Variants in GRID2 observed in about 807,000 individuals in gnomAD.
The protein encoded by GRID2 is glutamate receptor ionotropic, delta-2.
GRID2 carries 33 observed loss-of-function variants against 114.8 expected under a neutral mutation model. That is an observed-to-expected ratio of 0.29 (90% CI 0.22 to 0.38). The LOEUF (loss-of-function observed/expected upper bound fraction) is 0.38, where lower values mean the gene tolerates loss of function less well. Among genes scored for constraint, GRID2 ranks in the 10% least tolerant of loss-of-function variants. GRID2 has a pLI of 1.00. For missense variants in GRID2, 1,184 were observed against 1,257.7 expected (o/e 0.94, Z 0.89); for synonymous variants, 505 against 449.9 (o/e 1.12, Z -1.55).
chr4:92,652,722 G>A (rs1006970843), intron 2 of GRID2, among the ~76,000 whole-genome samples: 1 of 142,932 alleles, frequency 7.0e-6, no homozygotes, highest in Non-Finnish European at 1.5e-5. Context: ...TGTAATCCCA[G>A]CACTTTGGGA....
At chr4:92,808,350 TA>T (rs1477435934) in intron 2 of GRID2, among the ~76,000 whole-genome samples, 1 of 152,012 alleles carries the variant, frequency 6.6e-6, no homozygotes, top group East Asian at 1.9e-4. Context: ...AGGAAAGTAG[TA>T]AAAAAGTCAA....
downstream of GRID2, among the ~76,000 whole-genome samples, chr4:93,775,781 A>T (rs1330214410): frequency 6.6e-6 from 1 of 152,208 alleles, no homozygotes; most frequent in Admixed American, 6.5e-5. Flanking sequence ...ATACATACTT[A>T]AAGTTGTAAG....
intron 1 of GRID2, among the ~76,000 whole-genome samples, chr4:92,585,208 A>G (rs1728372190): frequency 6.6e-6 from 1 of 151,844 alleles, no homozygotes; most frequent in Non-Finnish European, 1.5e-5. Flanking sequence ...GAGGGGAAAA[A>G]TTTGGGGGGT....
chr4:93,174,816 G>T (rs1301182353), intron 4 of GRID2, among the ~76,000 whole-genome samples: 2 of 152,064 alleles, frequency 1.3e-5, no homozygotes, highest in Non-Finnish European at 2.9e-5. Flanking sequence ...TTCTTACAGA[G>T]AAGTCTGAGC....
At chr4:93,665,590 C>T (rs1359015490) in intron 14 of GRID2, among the ~76,000 whole-genome samples, 3 of 152,198 alleles carry the variant, frequency 2.0e-5, no homozygotes, top group Non-Finnish European at 4.4e-5. Context: ...TTTGTTTGTA[C>T]ACTTCGCACC....
chr4:93,353,884 A>G (rs1447014402), intron 8 of GRID2, among the ~76,000 whole-genome samples: 1 of 152,002 alleles, frequency 6.6e-6, no homozygotes, highest in African/African-American at 2.4e-5. Flanking sequence ...GTAGCAAGAA[A>G]ATGAGCCCCA....
rs929867890 is a variant in GRID2, at chr4:92,946,067, G to A, written c.245-138928G>A. On this transcript the variant is annotated intron_variant, in intron 2 of 15. Transcript: ENST00000282020. ...TCTTAAAACTGCCTTTAATCTCACC[G>A]TTTAGGTCTCATATGAGGAGAAAAT... Among the ~76,000 whole-genome samples, 9 of 151,938 alleles carry A rather than the reference G, an allele frequency of 5.9e-5. No individual in the cohort carries two copies. In the East Asian group the frequency reaches 1.2e-3, roughly 20 times the overall value.
intron 8 of GRID2, among the ~76,000 whole-genome samples, chr4:93,360,736 G>A (rs1469235201): frequency 6.6e-6 from 1 of 150,720 alleles, no homozygotes; most frequent in Non-Finnish European, 1.5e-5. Context: ...TATCCAATTT[G>A]TTTTATAATT....
chr4:93,523,893 A>G (rs1274970228), intron 13 of GRID2, among the ~76,000 whole-genome samples: 1 of 152,180 alleles, frequency 6.6e-6, no homozygotes, highest in African/African-American at 2.4e-5. Flanking sequence ...AACAGATTTC[A>G]GCTGTTACAC....
At chr4:93,681,279 G>C (rs1049538945) in intron 14 of GRID2, among the ~76,000 whole-genome samples, 2 of 151,406 alleles carry the variant, frequency 1.3e-5, no homozygotes, top group South Asian at 2.1e-4. Flanking sequence ...AAATAAAAGA[G>C]GATACCAAGA....
At chr4:93,736,205 A>G (rs1473346255) in intron 14 of GRID2, among the ~76,000 whole-genome samples, 4 of 152,056 alleles carry the variant, frequency 2.6e-5, no homozygotes, top group Non-Finnish European at 5.9e-5. Flanking sequence ...TGATTAGCAC[A>G]CAAAGATAAT....
chr4:92,477,205 T>A (rs1722363918), intron 1 of GRID2, among the ~76,000 whole-genome samples: 1 of 150,084 alleles, frequency 6.7e-6, no homozygotes, highest in South Asian at 2.1e-4. Context: ...TAGCACAATA[T>A]TTTTTTTTAA....
At chr4:92,771,206 CCTT>C (rs558382157) in intron 2 of GRID2, among the ~76,000 whole-genome samples, 40 of 152,220 alleles carry the variant, frequency 2.6e-4, no homozygotes, top group African/African-American at 9.1e-4. Context: ...TTTTGAGAAA[CCTT>C]CTCCAAAATA....
intron 8 of GRID2, among the ~76,000 whole-genome samples, chr4:93,254,607 A>G (rs1014375932): frequency 9.9e-5 from 15 of 152,234 alleles, no homozygotes; most frequent in African/African-American, 2.9e-4. Flanking sequence ...TTATGAATCT[A>G]TATCCCAAAA....
intron 2 of GRID2, among the ~76,000 whole-genome samples, chr4:92,819,592 G>C (rs1049401292): frequency 2.6e-5 from 4 of 151,972 alleles, no homozygotes; most frequent in Non-Finnish European, 4.4e-5. Flanking sequence ...TTAGTATTTG[G>C]AGTCAGTTTA....
At chr4:92,540,303 A>C (rs973201520) in intron 1 of GRID2, among the ~76,000 whole-genome samples, 9 of 152,186 alleles carry the variant, frequency 5.9e-5, no homozygotes, top group Non-Finnish European at 8.8e-5. Flanking sequence ...AATGGGATCT[A>C]ATTAAACTCA....
At chr4:93,058,654 A>G (rs543308008) in intron 2 of GRID2, among the ~76,000 whole-genome samples, 1 of 152,106 alleles carries the variant, frequency 6.6e-6, no homozygotes, top group South Asian at 2.1e-4. Flanking sequence ...AAAGTTCTCC[A>G]AACTCTCAAT....
At chr4:92,623,709 A>G (rs930947841) in intron 2 of GRID2, among the ~76,000 whole-genome samples, 2 of 151,742 alleles carry the variant, frequency 1.3e-5, no homozygotes, top group Admixed American at 1.3e-4. Flanking sequence ...TTACCACAGT[A>G]AAAGCTGTGG....
chr4:92,510,858 T>TAAAAAA (rs58768935), intron 1 of GRID2, among the ~76,000 whole-genome samples: 129 of 144,076 alleles, frequency 9.0e-4, no homozygotes, highest in African/African-American at 3.2e-3. Context: ...ATGTGTCAAT[T>TAAAAAA]AAAAAAAAAA....
Sources: gnomAD v4.1 joint callset for allele counts (sites outside exome capture counted in the v4.1 genomes callset) on GRCh38, gnomAD v4.1.1 for gene constraint, MANE v1.5 for transcripts, NCBI Gene and HGNC (gene_info 2026-07-23, HGNC 2026-07-21) for gene names.